Variants in CAP2 observed in about 807,000 individuals in gnomAD.
CAP2 encodes the protein cyclase associated actin cytoskeleton regulatory protein 2.
A neutral mutation model predicts 57.7 loss-of-function variants in CAP2; 24 were observed. The ratio of observed to expected loss-of-function variants is 0.42; its 90% CI spans 0.30 to 0.58. The LOEUF (loss-of-function observed/expected upper bound fraction) is 0.58, where lower values mean the gene tolerates loss of function less well. CAP2 is among the 20% of genes least tolerant of loss of function. The probability of loss-of-function intolerance (pLI) is 0.22; values close to 1 mark genes in which losing one functional copy is unlikely to be tolerated. For missense variants in CAP2, 501 were observed against 590.3 expected, an observed-to-expected ratio of 0.85 and a Z score of 1.57; for synonymous variants, 194 against 207.2, an observed-to-expected ratio of 0.94 and a Z score of 0.55.
chr6:17,468,105 C>T (rs567167411), intron 4 of CAP2, among the ~76,000 whole-genome samples: 3 of 152,046 alleles, frequency 2.0e-5, no homozygotes, highest in Non-Finnish European at 4.4e-5. Flanking sequence ...CGTAACATAA[C>T]AATCTCCAGT....
chr6:17,544,402 G>A (rs560424731), intron 11 of CAP2, among the ~76,000 whole-genome samples: 1 of 152,298 alleles, frequency 6.6e-6, no homozygotes, highest in Admixed American at 6.5e-5. Flanking sequence ...AACAACTTGA[G>A]AAGTAGGGTT....
intron 1 of CAP2, among the ~76,000 whole-genome samples, chr6:17,399,673 T>A (rs957880834): frequency 2.0e-5 from 3 of 152,204 alleles, no homozygotes; most frequent in Non-Finnish European, 4.4e-5. Flanking sequence ...ATTCTTAAAA[T>A]TTCACATTTA....
In CAP2 at chr6:17,556,809, C is replaced by T. The variant is rs1763324396; in HGVS notation, c.*367C>T. On this transcript the variant is annotated 3_prime_UTR_variant, in exon 13 of 13. Transcript: ENST00000229922. Reference sequence around the variant, plus strand: ...TTCATTGCTAGTTAAAAAATAAAACCTTTGAGAATCTAAGATGTACATTTT... The same window carrying T: ...TTCATTGCTAGTTAAAAAATAAAACTTTTGAGAATCTAAGATGTACATTTT... 5.4e-6 allele frequency: 1 copy of T among 184,294 alleles called. No individual in the cohort carries two copies. Among genetic ancestry groups the T allele is most frequent in the Non-Finnish European group, 1.1e-5 (1 of 88,496 alleles). 11.4% of individuals were successfully genotyped at this position (184,294 alleles called of 1,614,324 possible). A position where few individuals can be genotyped will look rare whatever the true frequency, so the allele number is the denominator to read the frequency against.
At chr6:17,551,669 AT>A in intron 12 of CAP2, 65 bp downstream of exon 12, 7 of 1,275,654 alleles carry the variant, frequency 5.5e-6, no homozygotes, top group Non-Finnish European at 7.6e-6. Context: ...ATTCTTAGAG[AT>A]TGATTAATCA....
intron 4 of CAP2, among the ~76,000 whole-genome samples, chr6:17,481,983 TGA>T (rs1761299058): frequency 6.6e-6 from 1 of 152,184 alleles, no homozygotes; most frequent in Non-Finnish European, 1.5e-5. Context: ...CACCCACCAC[TGA>T]GTGAGTGGCT....
chr6:17,442,723 A>ATT (rs34691133), intron 3 of CAP2, among the ~76,000 whole-genome samples: 18,356 of 146,792 alleles, frequency 0.13, 3,728 homozygotes, highest in African/African-American at 0.43. Flanking sequence ...CCCCATCACT[A>ATT]TTTTTTTTTT....
chr6:17,474,332 A>C (rs1050273680), intron 4 of CAP2, among the ~76,000 whole-genome samples: 13 of 151,772 alleles, frequency 8.6e-5, no homozygotes, highest in African/African-American at 2.7e-4. Flanking sequence ...GAAAAAAAAA[A>C]TGGGCATGTC....
intron 3 of CAP2, among the ~76,000 whole-genome samples, chr6:17,460,331 TA>T (rs911588803): frequency 5.3e-5 from 8 of 151,210 alleles, no homozygotes; most frequent in Non-Finnish European, 7.4e-5. Context: ...CCTGGCCAGT[TA>T]AAAAAAAATA....
intron 7 of CAP2, among the ~76,000 whole-genome samples, chr6:17,522,184 C>T (rs893941146): frequency 6.6e-6 from 1 of 152,096 alleles, no homozygotes; most frequent in Non-Finnish European, 1.5e-5. Context: ...CAAATCACAA[C>T]CTACTTTTCA....
At chr6:17,523,422 C>T (rs1762434242) in intron 7 of CAP2, among the ~76,000 whole-genome samples, 2 of 152,042 alleles carry the variant, frequency 1.3e-5, no homozygotes, top group Non-Finnish European at 2.9e-5. Flanking sequence ...CACGTGGAGT[C>T]AGGAGGTGAG....
intron 4 of CAP2, among the ~76,000 whole-genome samples, chr6:17,498,883 C>T (rs1477960602): frequency 6.6e-6 from 1 of 151,838 alleles, no homozygotes; most frequent in Non-Finnish European, 1.5e-5. Context: ...CGCCCGCCAC[C>T]ACGCCCAGAT....
At chr6:17,539,832 C>T (rs902101709) in intron 8 of CAP2, among the ~76,000 whole-genome samples, 9 of 152,202 alleles carry the variant, frequency 5.9e-5, no homozygotes, top group Non-Finnish European at 1.2e-4. Flanking sequence ...GTAATCACAG[C>T]ACTTTGGGAG....
intron 7 of CAP2, chr6:17,531,489 A>C: frequency 6.7e-7 from 1 of 1,488,082 alleles, no homozygotes; most frequent in South Asian, 1.1e-5. Flanking sequence ...GCTTTTTCAT[A>C]GATAAGCTTC....
intron 7 of CAP2, among the ~76,000 whole-genome samples, chr6:17,515,515 A>G (rs1167555209): frequency 6.6e-6 from 1 of 152,130 alleles, no homozygotes; most frequent in Non-Finnish European, 1.5e-5. Context: ...TACTGTGCCT[A>G]CTACCTGGGT....
intron 4 of CAP2, among the ~76,000 whole-genome samples, chr6:17,482,507 CAAAAAAAAAAAAAAAAA>C (rs60053497): frequency 1.4e-4 from 10 of 70,796 alleles, no homozygotes; most frequent in Admixed American, 3.5e-4. Flanking sequence ...GACTCCATCT[CAAAAAAAAAAAAAAAAA>C]AAAAAAAAAA....
intron 4 of CAP2, among the ~76,000 whole-genome samples, chr6:17,488,989 G>T (rs1410611509): frequency 6.6e-6 from 1 of 152,174 alleles, no homozygotes; most frequent in Non-Finnish European, 1.5e-5. Flanking sequence ...TGAGGGGTCT[G>T]TGCTGGCAGG....
At chr6:17,543,624 C>CAAAAAAA (rs66747239) in intron 11 of CAP2, among the ~76,000 whole-genome samples, 71 of 83,912 alleles carry the variant, frequency 8.5e-4, no homozygotes, top group Admixed American at 1.7e-3. Context: ...GACTCCATCT[C>CAAAAAAA]AAAAAAAAAA....
chr6:17,481,397 C>G (rs1054701109), intron 4 of CAP2, among the ~76,000 whole-genome samples: 1 of 151,686 alleles, frequency 6.6e-6, no homozygotes, highest in African/African-American at 2.4e-5. Flanking sequence ...TTAACTGCTT[C>G]TATTTATTTC....
intron 3 of CAP2, among the ~76,000 whole-genome samples, chr6:17,434,983 A>G (rs532127962): frequency 1.7e-4 from 25 of 143,368 alleles, no homozygotes; most frequent in Non-Finnish European, 2.9e-4. Context: ...ACTATGAGAT[A>G]TCATCTCACA....
Sources: allele counts gnomAD v4.1 joint callset (sites outside exome capture counted in the v4.1 genomes callset), GRCh38; gene constraint gnomAD v4.1.1; transcripts MANE v1.5; gene names NCBI Gene and HGNC (gene_info 2026-07-23, HGNC 2026-07-21).